Variants in PABPC4L observed in about 807,000 individuals in gnomAD.
PABPC4L encodes the protein poly(A) binding protein cytoplasmic 4 like, also known as polyadenylate-binding protein 4-like.
For synonymous variants in PABPC4L, 169 were observed against 164.1 expected, an observed-to-expected ratio of 1.03 and a Z score of -0.23; for missense variants, 452 against 451.4, an observed-to-expected ratio of 1.00 and a Z score of -0.01.
chr4:133,997,515 C>A, the PABPC4L span, among the ~76,000 whole-genome samples: 4 of 151,122 alleles, frequency 2.6e-5, no homozygotes, highest in Admixed American at 6.6e-5. Context: ...GAAAAAAAAA[C>A]CTTTTGTATA....
the PABPC4L span, among the ~76,000 whole-genome samples, chr4:134,160,066 C>T: frequency 6.6e-6 from 1 of 152,110 alleles, no homozygotes; most frequent in Non-Finnish European, 1.5e-5. Context: ...GAAGGATTCA[C>T]CACCTGCTGC....
At chr4:134,155,997 T>A in the PABPC4L span, among the ~76,000 whole-genome samples, 1 of 152,094 alleles carries the variant, frequency 6.6e-6, no homozygotes, top group East Asian at 1.9e-4. Context: ...CACGTTTGCA[T>A]ATTTAGATTA....
the PABPC4L span, among the ~76,000 whole-genome samples, chr4:134,040,301 G>A: frequency 6.6e-6 from 1 of 151,322 alleles, no homozygotes; most frequent in Non-Finnish European, 1.5e-5. Flanking sequence ...AAAGCTGGAG[G>A]CTTCACACTA....
At chr4:134,010,544 T>C in the PABPC4L span, 1 of 152,106 alleles carries the variant, frequency 6.6e-6, no homozygotes, top group Non-Finnish European at 1.5e-5. Context: ...CCTTTCATAA[T>C]AGTAGGGATA....
the PABPC4L span, among the ~76,000 whole-genome samples, chr4:134,148,143 A>G: frequency 1.3e-5 from 2 of 152,072 alleles, no homozygotes. Flanking sequence ...TCAGACACAG[A>G]AACACAGAGA....
the PABPC4L span, among the ~76,000 whole-genome samples, chr4:134,106,970 T>C: frequency 6.6e-6 from 1 of 151,502 alleles, no homozygotes; most frequent in African/African-American, 2.4e-5. Flanking sequence ...CTTTCAAGTT[T>C]AAGTAAGCAG....
At chr4:134,126,847 CT>C in the PABPC4L span, among the ~76,000 whole-genome samples, 1 of 152,072 alleles carries the variant, frequency 6.6e-6, no homozygotes, top group Non-Finnish European at 1.5e-5. Flanking sequence ...AGTGGGACTG[CT>C]TTCTAAGATG....
At chr4:134,055,542 G>A in the PABPC4L span, among the ~76,000 whole-genome samples, 1 of 151,452 alleles carries the variant, frequency 6.6e-6, no homozygotes, top group African/African-American at 2.4e-5. Flanking sequence ...TATCGTTTAA[G>A]CCACCTAGTC....
the PABPC4L span, among the ~76,000 whole-genome samples, chr4:133,975,948 T>C: frequency 6.6e-6 from 1 of 152,106 alleles, no homozygotes; most frequent in Non-Finnish European, 1.5e-5. Flanking sequence ...CACAAACACA[T>C]ATATTTATTT....
At chr4:134,032,668 T>C in the PABPC4L span, among the ~76,000 whole-genome samples, 18 of 151,946 alleles carry the variant, frequency 1.2e-4, no homozygotes, top group Admixed American at 9.2e-4. Flanking sequence ...GCTTGATATA[T>C]AGGTTTTATA....
chr4:134,129,585 CA>C, the PABPC4L span, among the ~76,000 whole-genome samples: 1 of 151,654 alleles, frequency 6.6e-6, no homozygotes, highest in Non-Finnish European at 1.5e-5. Context: ...ATTGGGTCAA[CA>C]ATGAAATCGA....
At chr4:134,100,248 T>C in the PABPC4L span, among the ~76,000 whole-genome samples, 1 of 151,816 alleles carries the variant, frequency 6.6e-6, no homozygotes, top group African/African-American at 2.4e-5. Flanking sequence ...GATCTCTGCC[T>C]TTTAAATACA....
chr4:134,169,676 C>A, the PABPC4L span, among the ~76,000 whole-genome samples: 1 of 151,808 alleles, frequency 6.6e-6, no homozygotes, highest in Admixed American at 6.6e-5. Context: ...AAAAAAAATT[C>A]CATTTATAAT....
the PABPC4L span, among the ~76,000 whole-genome samples, chr4:134,133,031 T>G: frequency 7.1e-6 from 1 of 139,938 alleles, no homozygotes. Flanking sequence ...CTATATATAA[T>G]ATATTTCATA....
At chr4:133,959,434 A>G in the PABPC4L span, among the ~76,000 whole-genome samples, 2 of 152,222 alleles carry the variant, frequency 1.3e-5, no homozygotes, top group Non-Finnish European at 2.9e-5. Context: ...AAATGTGAGT[A>G]TGCAAGGGAA....
the PABPC4L span, among the ~76,000 whole-genome samples, chr4:133,974,546 C>G: frequency 3.9e-5 from 6 of 151,962 alleles, no homozygotes; most frequent in East Asian, 1.9e-4. Context: ...AAACTAAAAC[C>G]CTTTGTGTTT....
At chr4:134,112,569 ACTATCTATCTATCTATCTATCTATCTAT>A in the PABPC4L span, among the ~76,000 whole-genome samples, 1 of 147,844 alleles carries the variant, frequency 6.8e-6, no homozygotes, top group African/African-American at 2.5e-5. Context: ...GCTCCACGTA[ACTATCTATCTATCTATCTATCTATCTAT>A]CTATCTATCT....
At chr4:134,006,030 T>G in the PABPC4L span, among the ~76,000 whole-genome samples, 1 of 151,938 alleles carries the variant, frequency 6.6e-6, no homozygotes, top group African/African-American at 2.4e-5. Flanking sequence ...ATTTAAGTTG[T>G]GTAATATGTA....
At chr4:134,020,455 C>A in the PABPC4L span, among the ~76,000 whole-genome samples, 1 of 152,036 alleles carries the variant, frequency 6.6e-6, no homozygotes, top group Non-Finnish European at 1.5e-5. Flanking sequence ...TCTGGACACA[C>A]CCAGGTCTGA....
Sources: gnomAD v4.1 joint callset for allele counts (sites outside exome capture counted in the v4.1 genomes callset) on GRCh38, gnomAD v4.1.1 for gene constraint, MANE v1.5 for transcripts, NCBI Gene and HGNC (gene_info 2026-07-23, HGNC 2026-07-21) for gene names.